ATP6V0E1: variants seen among roughly 807,000 people sequenced by gnomAD.
ATP6V0E1 encodes the protein ATPase H+ transporting V0 subunit e1, also known as V-type proton ATPase subunit e 1.
In ATP6V0E1, 4 loss-of-function variants were observed where a neutral mutation model predicts 11.6. The ratio of observed to expected loss-of-function variants is 0.35; its 90% CI spans 0.17 to 0.79. The LOEUF is 0.79. Ranked by LOEUF, ATP6V0E1 falls within the 30% of genes least tolerant of loss-of-function variation. The pLI, the probability that ATP6V0E1 is intolerant of heterozygous loss-of-function variation, is 0.54. For synonymous variants in ATP6V0E1, 36 were observed against 34.8 expected (o/e 1.04, Z -0.13); for missense variants, 105 against 100.0 (o/e 1.05, Z -0.21).
At chr5:172,984,919 G>A (rs954097993) in intron 1 of ATP6V0E1, among the ~76,000 whole-genome samples, 1 of 152,188 alleles carries the variant, frequency 6.6e-6, no homozygotes, top group Non-Finnish European at 1.5e-5. Context: ...ATAAATACCT[G>A]TTGAGTGAAT....
rs999790390 is a variant in ATP6V0E1 at position 172,998,190 on chromosome 5, C to CTTT, written c.152+3387_152+3389dup. ...CAGCTGATGAAACTTAAAATTTAGT[C>CTTT]TTTTTTTTTTTTTTTTTTTTTGGTT... is the stretch of plus-strand genomic sequence containing the variant. On this transcript the variant is annotated intron_variant, in intron 2 of 3. Coordinates refer to ENST00000519374, the MANE Select transcript of ATP6V0E1 (RefSeq NM_003945.4). 5.7e-3 allele frequency among the ~76,000 whole-genome samples: 601 copies of CTTT among 104,820 alleles called. 4 individuals carry two copies. The highest frequency in any genetic ancestry group is 0.011 in the African/African-American group (281 of 26,482). The allele number at this position is 104,820 out of a possible 152,430, so 68.8% of individuals were successfully genotyped here.
At chr5:173,012,292 G>A (rs1359341482) in intron 2 of ATP6V0E1, among the ~76,000 whole-genome samples, 2 of 151,520 alleles carry the variant, frequency 1.3e-5, no homozygotes, top group African/African-American at 4.8e-5. Flanking sequence ...TTGGCCTCTG[G>A]AGTTTTCTTG....
chr5:173,018,614 C>T lies in ATP6V0E1; in HGVS notation c.153-1624C>T, dbSNP rs181411682. ...TGACCACCCTGTCGAAATAATGCCC[C>T]GTCAAGCCACTCTCTATTCCTTCTC... On this transcript the variant is annotated intron_variant, in intron 2 of 3. Coordinates refer to ENST00000519374, the MANE Select transcript of ATP6V0E1 (RefSeq NM_003945.4). 4.7e-3 allele frequency among the ~76,000 whole-genome samples: 719 copies of T among 151,848 alleles called. 6 individuals are homozygous for T. Among genetic ancestry groups the T allele is most frequent in the Non-Finnish European group, 3.0e-3 (204 of 68,024 alleles).
intron 1 of ATP6V0E1, among the ~76,000 whole-genome samples, chr5:172,989,293 C>G (rs904596281): frequency 3.3e-5 from 5 of 152,112 alleles, no homozygotes; most frequent in African/African-American, 1.2e-4. Context: ...GAGCTATGAT[C>G]ATGCCACTGC....
chr5:172,985,403 A>G (rs1212606297), intron 1 of ATP6V0E1, among the ~76,000 whole-genome samples: 1 of 152,118 alleles, frequency 6.6e-6, no homozygotes, highest in Non-Finnish European at 1.5e-5. Context: ...ATTTTTAAGT[A>G]TCAAGTTCCT....
intron 1 of ATP6V0E1, among the ~76,000 whole-genome samples, chr5:172,994,176 G>T (rs1359553524): frequency 6.6e-6 from 1 of 152,166 alleles, no homozygotes; most frequent in Non-Finnish European, 1.5e-5. Flanking sequence ...GACTGTGGAG[G>T]TGCAGAGAAG....
At chr5:173,029,155 G>A (rs1318867106) in intron 3 of ATP6V0E1, among the ~76,000 whole-genome samples, 1 of 152,236 alleles carries the variant, frequency 6.6e-6, no homozygotes, top group East Asian at 1.9e-4. Context: ...GAGGTGTATA[G>A]TACTGAAGTA....
chr5:172,986,771 T>G, intron 1 of ATP6V0E1: 1 of 430,160 alleles, frequency 2.3e-6, no homozygotes. Context: ...GTTGGTTTTT[T>G]GTTGTTTTTG....
chr5:172,993,770 C>CT (rs1756022185), intron 1 of ATP6V0E1, among the ~76,000 whole-genome samples: 1 of 145,466 alleles, frequency 6.9e-6, no homozygotes, highest in African/African-American at 2.6e-5. Flanking sequence ...GCTCAGGAAG[C>CT]TGAGGCAGAA....
chr5:172,985,054 G>A (rs1180921860), intron 1 of ATP6V0E1, among the ~76,000 whole-genome samples: 1 of 152,132 alleles, frequency 6.6e-6, no homozygotes, highest in East Asian at 1.9e-4. Context: ...AGACCATCCT[G>A]GCTAACACGG....
intron 2 of ATP6V0E1, among the ~76,000 whole-genome samples, chr5:172,996,150 C>T (rs528644399): frequency 9.2e-5 from 14 of 152,100 alleles, no homozygotes; most frequent in South Asian, 2.1e-4. Context: ...ACTGCATGCC[C>T]GTTAATAAAA....
chr5:173,021,671 G>A (rs1756487594), intron 3 of ATP6V0E1, among the ~76,000 whole-genome samples: 1 of 152,116 alleles, frequency 6.6e-6, no homozygotes, highest in Non-Finnish European at 1.5e-5. Context: ...CCTCCCACCA[G>A]GCCCCACCTC....
Position 173,034,720 on chromosome 5 carries a change from G to C in ATP6V0E1, c.*358G>C. ...CCTGCCTTCTCACGTGGGAATCAGT[G>C]AAGTGTTTAGAAACTGCTGCAAGAC... On this transcript the variant is annotated 3_prime_UTR_variant, in exon 4 of 4. Transcript: ENST00000519374. The C allele has an allele frequency of 2.4e-6, 1 of 420,672 alleles. No homozygotes were observed. The highest frequency in any genetic ancestry group is 6.7e-4 in the Middle Eastern group (1 of 1,496). The allele number at this position is 420,672 out of a possible 1,614,324, so 26.1% of individuals were successfully genotyped here. A position where few individuals can be genotyped will look rare whatever the true frequency, so the allele number is the denominator to read the frequency against.
chr5:173,011,500 GC>G (rs1224501084), intron 2 of ATP6V0E1, among the ~76,000 whole-genome samples: 2 of 152,180 alleles, frequency 1.3e-5, no homozygotes, highest in South Asian at 4.1e-4. Context: ...ATCCTTAATA[GC>G]CTATAGAAAC....
chr5:172,995,188 C>T (rs950355048), intron 2 of ATP6V0E1, among the ~76,000 whole-genome samples: 7 of 152,186 alleles, frequency 4.6e-5, no homozygotes, highest in Admixed American at 6.5e-5. Flanking sequence ...ACTGCAACCT[C>T]GGCCTCCTGG....
At chr5:173,012,601 A>G (rs1386192028) in intron 2 of ATP6V0E1, among the ~76,000 whole-genome samples, 1 of 151,980 alleles carries the variant, frequency 6.6e-6, no homozygotes, top group Non-Finnish European at 1.5e-5. Flanking sequence ...AAAAATACAA[A>G]AAATTAGCTG....
intron 2 of ATP6V0E1, among the ~76,000 whole-genome samples, chr5:172,995,189 G>A (rs552569527): frequency 1.3e-5 from 2 of 152,144 alleles, no homozygotes; most frequent in South Asian, 2.1e-4. Context: ...CTGCAACCTC[G>A]GCCTCCTGGG....
At chr5:173,023,493 T>C (rs928509849) in intron 3 of ATP6V0E1, among the ~76,000 whole-genome samples, 4 of 152,216 alleles carry the variant, frequency 2.6e-5, no homozygotes, top group African/African-American at 9.6e-5. Context: ...ACCATTCCCG[T>C]CTGATTTTTC....
At chr5:173,000,363 T>C (rs1450378115) in intron 2 of ATP6V0E1, among the ~76,000 whole-genome samples, 1 of 152,194 alleles carries the variant, frequency 6.6e-6, no homozygotes, top group Non-Finnish European at 1.5e-5. Flanking sequence ...GTTACTATAC[T>C]ATATTTCTGG....
Sources: allele counts gnomAD v4.1 joint callset (sites outside exome capture counted in the v4.1 genomes callset), GRCh38; gene constraint gnomAD v4.1.1; transcripts MANE v1.5; gene names NCBI Gene and HGNC (gene_info 2026-07-23, HGNC 2026-07-21).